DELE1: variants seen among roughly 807,000 people sequenced by gnomAD.
DELE1 encodes the protein DAP3 binding cell death enhancer 1.
Under a neutral mutation model 59.3 loss-of-function variants are expected in DELE1, and 54 were observed. The observed-to-expected ratio is 0.91, with a 90% CI of 0.73 to 1.14. The LOEUF (loss-of-function observed/expected upper bound fraction) is 1.14. Among genes scored for constraint, DELE1 ranks in the 50% most tolerant of loss-of-function variants. The probability of loss-of-function intolerance (pLI) is 0.00; values close to 1 mark genes in which losing one functional copy is unlikely to be tolerated. For synonymous variants in DELE1, 264 were observed against 259.1 expected, an observed-to-expected ratio of 1.02 and a Z score of -0.18; for missense variants, 636 against 643.9, an observed-to-expected ratio of 0.99 and a Z score of 0.13.
Position 141,933,259 on chromosome 5 carries a change from G to C in DELE1, c.755G>C (p.Gly252Ala). 1 of 1,548,298 alleles carries C rather than the reference G, an allele frequency of 6.5e-7. No individual in the cohort carries two copies. Among genetic ancestry groups the C allele is most frequent in the South Asian group, 1.2e-5 (1 of 84,848 alleles). ...GTTTGTGCCCTGTGCCTTCTTACAG[G>C]AACAGAGAACATGAAGAGTGGCGAC... ...LSVSIAFNFL[G>A]TENMKSGDHT... The change falls in exon 8 of 12, where the codon GGA (glycine) becomes GCA (alanine). Residue 252 changes from glycine to alanine, a missense_variant and splice_region_variant. Gly to Ala is a moderately conservative substitution (Grantham distance 60, BLOSUM62 0). Coordinates refer to ENST00000432126, the MANE Select transcript of DELE1 (RefSeq NM_014773.5).
intron 7 of DELE1, among the ~76,000 whole-genome samples, chr5:141,932,296 G>A (rs1232997858): frequency 6.6e-6 from 1 of 152,170 alleles, no homozygotes; most frequent in Non-Finnish European, 1.5e-5. Context: ...AAAAGAGCAT[G>A]GACTTTGGGG....
At chr5:141,936,703 G>C (rs1308504347) in intron 10 of DELE1, among the ~76,000 whole-genome samples, 2 of 152,162 alleles carry the variant, frequency 1.3e-5, no homozygotes, top group Non-Finnish European at 2.9e-5. Context: ...AAAGTGCTGG[G>C]ATTACAGGTG....
chr5:141,934,705 C>T, intron 10 of DELE1, 119 bp downstream of exon 10: 1 of 986,870 alleles, frequency 1.0e-6, no homozygotes, highest in South Asian at 1.4e-5. Context: ...CTTGGCCTGG[C>T]TTCAAGCCTT....
chr5:141,924,051 C>G, intron 1 of DELE1, 79 bp downstream of exon 1: 1 of 1,543,600 alleles, frequency 6.5e-7, no homozygotes, highest in Non-Finnish European at 8.8e-7. Context: ...GAGGAAACAG[C>G]CGAAGCGATC....
chr5:141,929,566 T>C lies in DELE1; in HGVS notation c.413-16T>C. 3 of 1,612,082 alleles carry C rather than the reference T, an allele frequency of 1.9e-6. No homozygotes were observed. The highest frequency in any genetic ancestry group is 2.5e-6 in the Non-Finnish European group (3 of 1,179,378). On this transcript the variant is annotated splice_polypyrimidine_tract_variant and intron_variant, in intron 4 of 11. Transcript: ENST00000432126. Reference sequence around the variant, plus strand: ...CGCCTGGCCCAGACCTGACTACTCTTGCTGGCTCTTTCCAGCACTGCGACA... The same window carrying C: ...CGCCTGGCCCAGACCTGACTACTCTCGCTGGCTCTTTCCAGCACTGCGACA...
chr5:141,941,300 C>G lies in DELE1; in HGVS notation c.*2541C>G, dbSNP rs1752724039. The G allele has an allele frequency of 1.0e-6, 1 of 985,560 alleles. No individual in the cohort carries two copies. 61.1% of individuals were successfully genotyped at this position (985,560 alleles called of 1,614,324 possible). ...GTCACTACTGAGCTAAGTACTGATT[C>G]AATTTGGGGTGCCAAAGGTTGGGGG... On this transcript the variant is annotated 3_prime_UTR_variant, in exon 12 of 12. Transcript: ENST00000432126.
rs1752736553 is a variant in DELE1 at position 141,941,542 on chromosome 5, A to G, written c.*2783A>G. The G allele has an allele frequency of 2.0e-6, 2 of 985,280 alleles. No homozygotes were observed. The highest frequency in any genetic ancestry group is 9.4e-5 in the South Asian group (2 of 21,294). The allele number at this position is 985,280 out of a possible 1,614,324, so 61.0% of individuals were successfully genotyped here. A position where few individuals can be genotyped will look rare whatever the true frequency, so the allele number is the denominator to read the frequency against. Reference sequence around the variant, plus strand: ...AAAATTCTGTTATTAATGACTCATCATCAGTGCCCCAGAGGAAGTGTGAGA... The same window carrying G: ...AAAATTCTGTTATTAATGACTCATCGTCAGTGCCCCAGAGGAAGTGTGAGA... On this transcript the variant is annotated 3_prime_UTR_variant, in exon 12 of 12. Coordinates refer to ENST00000432126, the MANE Select transcript of DELE1 (RefSeq NM_014773.5).
At chr5:141,932,600 C>G (rs1752000282) in intron 7 of DELE1, among the ~76,000 whole-genome samples, 1 of 152,102 alleles carries the variant, frequency 6.6e-6, no homozygotes, top group Non-Finnish European at 1.5e-5. Flanking sequence ...TCTCCTTGTC[C>G]CAACCAGATC....
At chr5:141,926,261 C>T (rs1426650751) in intron 3 of DELE1, among the ~76,000 whole-genome samples, 1 of 152,130 alleles carries the variant, frequency 6.6e-6, no homozygotes, top group Non-Finnish European at 1.5e-5. Context: ...GGAAATATCA[C>T]CTTCATTTTA....
intron 7 of DELE1, 148 bp from the exon 8 acceptor site, chr5:141,933,111 A>AAAATATATATAT (rs1554076875): frequency 1.1e-5 from 1 of 94,428 alleles, no homozygotes; most frequent in South Asian, 4.1e-4. Flanking sequence ...AAAAAAAAAA[A>AAAATATATATAT]ATATATATAT....
At chr5:141,938,379 A>T in intron 11 of DELE1, 142 bp from the exon 12 acceptor site, 1 of 1,276,152 alleles carries the variant, frequency 7.8e-7, no homozygotes, top group Non-Finnish European at 1.1e-6. Context: ...CTAGGGCTCT[A>T]AGAGCCCTGC....
At chr5:141,933,186 CTG>C (rs904407806) in intron 7 of DELE1, 71 bp from the exon 8 acceptor site, 18 of 1,260,630 alleles carry the variant, frequency 1.4e-5, no homozygotes, top group Non-Finnish European at 1.9e-5. Context: ...GATGAGGAGT[CTG>C]TAGGTACCTG....
Position 141,940,166 on chromosome 5 carries a change from T to G in DELE1, c.*1407T>G. 1 of 985,332 alleles carries G rather than the reference T, an allele frequency of 1.0e-6. No individual in the cohort carries two copies. The highest frequency in any genetic ancestry group is 1.2e-6 in the Non-Finnish European group (1 of 829,896). 61.0% of individuals were successfully genotyped at this position (985,332 alleles called of 1,614,324 possible). A position where few individuals can be genotyped will look rare whatever the true frequency, so the allele number is the denominator to read the frequency against. ...TGGATTATCTCATCACTCTTGCCCTTGAGTATTATGGGAAGAGCCAGGGAG... is the reference window on the plus strand; with the variant it reads ...TGGATTATCTCATCACTCTTGCCCTGGAGTATTATGGGAAGAGCCAGGGAG... On this transcript the variant is annotated 3_prime_UTR_variant, in exon 12 of 12. Transcript: ENST00000432126.
Position 141,934,412 on chromosome 5 carries a change from G to T in DELE1, c.1056+14G>T. On this transcript the variant is annotated intron_variant, in intron 9 of 11. Transcript: ENST00000432126. ...GGCTTGAGAGAGGTGAGTGCCATTGGCAGGGTCTGTTCAAGGTCTCTGAGG... is the reference window on the plus strand; with the variant it reads ...GGCTTGAGAGAGGTGAGTGCCATTGTCAGGGTCTGTTCAAGGTCTCTGAGG... 1 of 1,614,222 alleles carries T rather than the reference G, an allele frequency of 6.2e-7. No homozygotes were observed. The highest frequency in any genetic ancestry group is 8.5e-7 in the Non-Finnish European group (1 of 1,180,008).
chr5:141,929,305 G>A (rs1751689158), intron 4 of DELE1, among the ~76,000 whole-genome samples: 2 of 152,096 alleles, frequency 1.3e-5, no homozygotes, highest in Admixed American at 6.5e-5. Flanking sequence ...CTGGAGTGCA[G>A]TGGTGTGATC....
In DELE1 at chr5:141,939,919, G is replaced by C; in HGVS notation, c.*1160G>C. The C allele has an allele frequency of 1.3e-6, 1 of 780,836 alleles. No individual in the cohort carries two copies. The highest frequency in any genetic ancestry group is 1.6e-6 in the Non-Finnish European group (1 of 643,614). 48.4% of individuals were successfully genotyped at this position (780,836 alleles called of 1,614,324 possible). ...TCATGGTTGCATGACTTTATGAGTC[G>C]CTGGGCCAGGGTGAGGACCTGGGCC... is the stretch of plus-strand genomic sequence containing the variant. On this transcript the variant is annotated 3_prime_UTR_variant, in exon 12 of 12. Coordinates refer to ENST00000432126, the MANE Select transcript of DELE1 (RefSeq NM_014773.5).
intron 7 of DELE1, chr5:141,931,279 A>G (rs1751887582): frequency 6.6e-6 from 1 of 152,268 alleles, no homozygotes; most frequent in Non-Finnish European, 1.5e-5. Context: ...AACAAAAGAA[A>G]GGTGAGTGTG....
At chr5:141,926,142 TGCTGGGATTACA>T (rs1404018654) in intron 3 of DELE1, among the ~76,000 whole-genome samples, 1 of 152,122 alleles carries the variant, frequency 6.6e-6, no homozygotes, top group Non-Finnish European at 1.5e-5. Flanking sequence ...CCTCCCAAAG[TGCTGGGATTACA>T]GCTGTGAGCC....
chr5:141,938,933 G>C lies in DELE1; in HGVS notation c.*174G>C. 7.0e-7 allele frequency: 1 copy of C among 1,428,056 alleles called. No homozygotes were observed. Among genetic ancestry groups the C allele is most frequent in the African/African-American group, 1.4e-5 (1 of 69,656 alleles). 88.5% of individuals were successfully genotyped at this position (1,428,056 alleles called of 1,614,324 possible). ...AGTGACTGATCTTTCCCCCCGCTTG[G>C]TAGCCTCACAGATGAGTCTTGGATG... On this transcript the variant is annotated 3_prime_UTR_variant, in exon 12 of 12. Coordinates refer to ENST00000432126, the MANE Select transcript of DELE1 (RefSeq NM_014773.5).
Sources: allele counts gnomAD v4.1 joint callset (sites outside exome capture counted in the v4.1 genomes callset), GRCh38; gene constraint gnomAD v4.1.1; transcripts MANE v1.5; gene names NCBI Gene and HGNC (gene_info 2026-07-23, HGNC 2026-07-21).